The following ADRA1A variants were observed in gnomAD, a reference collection of about 807,000 sequenced individuals.
ADRA1A encodes alpha-1A adrenergic receptor.
Under a neutral mutation model 29.6 loss-of-function variants are expected in ADRA1A, and 31 were observed. The observed-to-expected ratio is 1.05, with a 90% confidence interval of 0.79 to 1.41. The LOEUF is 1.41. Among genes scored for constraint, ADRA1A ranks in the 40% most tolerant of loss-of-function variants. The pLI is 0.00. For synonymous variants in ADRA1A, 311 were observed against 254.3 expected (o/e 1.22, Z -2.12); for missense variants, 619 against 601.1 (o/e 1.03, Z -0.31).
At position 26,865,311 on chromosome 8, in the gene ADRA1A, A is replaced by C; in HGVS notation, c.-342T>G. ...GAAGATCCAGGAGACTCCTTGCAAC[A>C]TGCAATTCCAGAATTACGAGAATCT... is the stretch of plus-strand genomic sequence containing the variant. On this transcript the variant is annotated 5_prime_UTR_variant, in exon 2 of 3. It removes an upstream start codon present in the reference 5' UTR. Transcript: ENST00000380573. This position sits in a 1 kb window ranked among gnomAD's most constrained non-coding sequence, Gnocchi z 7.6. 1.8e-6 allele frequency: 2 copies of C among 1,126,248 alleles called. No individual in the cohort carries two copies. The highest frequency in any genetic ancestry group is 2.2e-6 in the Non-Finnish European group (2 of 919,356). 69.8% of individuals were successfully genotyped at this position (1,126,248 alleles called of 1,614,324 possible).
intron 2 of ADRA1A, among the ~76,000 whole-genome samples, chr8:26,842,746 AC>A (rs1290023877): frequency 2.6e-5 from 4 of 151,980 alleles, no homozygotes; most frequent in Non-Finnish European, 5.9e-5. Flanking sequence ...TTTCAAAAAG[AC>A]ACCCAGAATA....
chr8:26,812,790 G>A (rs1465249404), intron 2 of ADRA1A, among the ~76,000 whole-genome samples: 6 of 151,620 alleles, frequency 4.0e-5, no homozygotes, highest in African/African-American at 1.5e-4. Flanking sequence ...TCAGCCTCCC[G>A]AGTAGCTGGG....
At chr8:26,765,185 G>A (rs1157673430), downstream of ADRA1A, among the ~76,000 whole-genome samples, 4 of 152,130 alleles carry the variant, frequency 2.6e-5, no homozygotes, top group African/African-American at 7.2e-5. Context: ...TTCCTTTTAG[G>A]TGGGAGAACC....
At chr8:26,846,890 T>C (rs2130724684) in intron 2 of ADRA1A, among the ~76,000 whole-genome samples, 1 of 152,290 alleles carries the variant, frequency 6.6e-6, no homozygotes, top group Non-Finnish European at 1.5e-5. Context: ...TATGCAGTCA[T>C]AAAAAATGAT....
In ADRA1A at chr8:26,866,251, G is replaced by A. The variant is rs1038878107; in HGVS notation, c.-686-596C>T. ...CAAGCTGGCTTGAGAGCCAGGTCCC[G>A]AGCGAAGCCGGGAGGGACCCGAAGA... On this transcript the variant is annotated intron_variant, in intron 1 of 2. Coordinates refer to ENST00000380573, the MANE Select transcript of ADRA1A (RefSeq NM_000680.4). This position sits in a 1 kb window ranked among gnomAD's most constrained non-coding sequence, Gnocchi z 5.7. 7.9e-5 allele frequency among the ~76,000 whole-genome samples: 12 copies of A among 152,302 alleles called. No individual in the cohort carries two copies. Among genetic ancestry groups the A allele is most frequent in the African/African-American group, 2.4e-4 (10 of 41,574 alleles).
chr8:26,849,508 T>G (rs1812459023), intron 2 of ADRA1A, among the ~76,000 whole-genome samples: 1 of 152,176 alleles, frequency 6.6e-6, no homozygotes, highest in Non-Finnish European at 1.5e-5. Flanking sequence ...AATCAAAACA[T>G]GTTACTTCCA....
At chr8:26,786,704 C>T (rs996208697) in intron 2 of ADRA1A, among the ~76,000 whole-genome samples, 1 of 151,410 alleles carries the variant, frequency 6.6e-6, no homozygotes, top group Admixed American at 6.6e-5. Context: ...ATCTTTGATC[C>T]CCTTCCACCC....
chr8:26,814,476 G>T (rs950793), intron 2 of ADRA1A, among the ~76,000 whole-genome samples: 40,431 of 152,104 alleles, frequency 0.27, 5,687 homozygotes, highest in Middle Eastern at 0.37. Context: ...TGCCCAGGCT[G>T]GTCTTAAACT....
chr8:26,857,933 G>T (rs1813168306), intron 2 of ADRA1A, among the ~76,000 whole-genome samples: 2 of 152,144 alleles, frequency 1.3e-5, no homozygotes, highest in South Asian at 4.1e-4. Flanking sequence ...TTAGGGCAGG[G>T]ATTTATTTGT....
chr8:26,864,309 C>T lies in ADRA1A; in HGVS notation c.661G>A (p.Gly221Ser), dbSNP rs201098896. 8 of 1,614,114 alleles carry T rather than the reference C, an allele frequency of 5.0e-6. No individual in the cohort carries two copies. In the East Asian group the frequency reaches 1.8e-4, roughly 36 times the overall value. The change falls in exon 2 of 3, where the codon GGC becomes AGC. Residue 221 changes from glycine to serine, a missense_variant. Physicochemically the swap from Gly to Ser is moderately conservative, Grantham distance 56 (BLOSUM62 0). Transcript: ENST00000380573. This position sits in a 1 kb window ranked among gnomAD's most constrained non-coding sequence, Gnocchi z 8.1. Reference sequence around the variant, plus strand: ...GAGTCCGACTTGTCGGTCTTGAGGCCAGACTTGAGGCCCCGGCTCTCCCTC... The same window carrying T: ...GAGTCCGACTTGTCGGTCTTGAGGCTAGACTTGAGGCCCCGGCTCTCCCTC... ...AKRESRGLKSGLKTDKSDSEQ... is the reference protein window; with the variant it reads ...AKRESRGLKSSLKTDKSDSEQ...
intron 2 of ADRA1A, among the ~76,000 whole-genome samples, chr8:26,850,216 T>C (rs1169542926): frequency 6.6e-6 from 1 of 152,012 alleles, no homozygotes; most frequent in Non-Finnish European, 1.5e-5. Context: ...TATATACTTT[T>C]TAATTTAATA....
downstream of ADRA1A, among the ~76,000 whole-genome samples, chr8:26,760,912 G>A (rs905495518): frequency 6.6e-6 from 1 of 152,158 alleles, no homozygotes; most frequent in Non-Finnish European, 1.5e-5. Flanking sequence ...CTTTCTGGGT[G>A]GATCTTCTGA....
At chr8:26,816,580 GTGTGCACA>G (rs1405133019) in intron 2 of ADRA1A, among the ~76,000 whole-genome samples, 2 of 149,306 alleles carry the variant, frequency 1.3e-5, no homozygotes, top group Admixed American at 6.7e-5. Context: ...CATCCACATT[GTGTGCACA>G]CGCTCATGTG....
intron 2 of ADRA1A, among the ~76,000 whole-genome samples, chr8:26,826,104 A>G (rs1406082053): frequency 1.3e-5 from 2 of 152,354 alleles, no homozygotes; most frequent in African/African-American, 4.8e-5. Flanking sequence ...CTCAAAGCTC[A>G]GCTCAAAGTG....
At position 26,787,447 on chromosome 8, in the gene ADRA1A, G is replaced by A. The variant is rs1395335967; in HGVS notation, c.884-16781C>T. Among the ~76,000 whole-genome samples, 1 of 152,098 alleles carries A rather than the reference G, an allele frequency of 6.6e-6. No individual in the cohort carries two copies. Among genetic ancestry groups the A allele is most frequent in the Non-Finnish European group, 1.5e-5 (1 of 68,012 alleles). ...CTGTCTGAAAAGACTTTGACAAAAT[G>A]CAACTAATAAAGTACGCCTAAAAAA... On this transcript the variant is annotated intron_variant, in intron 2 of 2. Coordinates refer to ENST00000380573, the MANE Select transcript of ADRA1A (RefSeq NM_000680.4). The surrounding 1 kb of genome is among the most constrained non-coding windows in gnomAD (Gnocchi z 4.2).
At chr8:26,808,229 A>G (rs1205163273) in intron 2 of ADRA1A, among the ~76,000 whole-genome samples, 3 of 152,212 alleles carry the variant, frequency 2.0e-5, no homozygotes, top group African/African-American at 4.8e-5. Flanking sequence ...AAAAGATTGC[A>G]TACTACATAT....
In ADRA1A at chr8:26,805,507, G is replaced by A. The variant is rs551283091; in HGVS notation, c.884-34841C>T. 5.9e-5 allele frequency among the ~76,000 whole-genome samples: 9 copies of A among 152,148 alleles called. No individual in the cohort carries two copies. Among genetic ancestry groups the A allele is most frequent in the Non-Finnish European group, 1.2e-4 (8 of 68,028 alleles). Reference sequence around the variant, plus strand: ...ACTCTATGCCCAGTACTTTCGAAACGCTTTCCATATATTAGCTCATTTAAT... The same window carrying A: ...ACTCTATGCCCAGTACTTTCGAAACACTTTCCATATATTAGCTCATTTAAT... On this transcript the variant is annotated intron_variant, in intron 2 of 2. Coordinates refer to ENST00000380573, the MANE Select transcript of ADRA1A (RefSeq NM_000680.4). This position sits in a 1 kb window ranked among gnomAD's most constrained non-coding sequence, Gnocchi z 4.8.
At chr8:26,851,050 G>A (rs1812592023) in intron 2 of ADRA1A, among the ~76,000 whole-genome samples, 1 of 152,086 alleles carries the variant, frequency 6.6e-6, no homozygotes, top group Admixed American at 6.5e-5. Flanking sequence ...CCAGAGCACA[G>A]GAGTGAGTAA....
At chr8:26,830,504 C>A (rs976332365) in intron 2 of ADRA1A, among the ~76,000 whole-genome samples, 1 of 152,118 alleles carries the variant, frequency 6.6e-6, no homozygotes, top group Non-Finnish European at 1.5e-5. Flanking sequence ...AAAGATGACA[C>A]CCTGAAGCCA....
Sources: gnomAD v4.1 joint callset for allele counts (sites outside exome capture counted in the v4.1 genomes callset) on GRCh38, gnomAD v4.1.1 for gene constraint, Gnocchi (gnomAD v3.1) non-coding constraint, MANE v1.5 for transcripts, NCBI Gene and HGNC (gene_info 2026-07-23, HGNC 2026-07-21) for gene names.